Variants in RCSD1 observed in about 807,000 individuals in gnomAD.
RCSD1 encodes capZ-interacting protein.
Under a neutral mutation model 42.5 loss-of-function variants are expected in RCSD1, and 26 were observed. The ratio of observed to expected loss-of-function variants is 0.61; its 90% CI spans 0.45 to 0.85. The LOEUF is 0.85. Among genes scored for constraint, RCSD1 ranks in the 40% least tolerant of loss-of-function variants. The pLI is 0.00. For synonymous variants in RCSD1, 220 were observed against 212.2 expected (o/e 1.04, Z -0.32); for missense variants, 571 against 528.3 (o/e 1.08, Z -0.79).
At chr1:167,676,184 A>G (rs973308279) in intron 1 of RCSD1, among the ~76,000 whole-genome samples, 14 of 152,204 alleles carry the variant, frequency 9.2e-5, no homozygotes, top group African/African-American at 1.4e-4. Flanking sequence ...GTCCAAGGCC[A>G]TAGAACTAGT....
Position 167,685,466 on chromosome 1 carries a change from C to A in RCSD1, c.154C>A (p.Pro52Thr). The change falls in exon 3 of 7, where the codon CCC becomes ACC. Residue 52 changes from proline to threonine, a missense_variant. Physicochemically the swap from Pro to Thr is conservative, Grantham distance 38 (BLOSUM62 -1). Coordinates refer to ENST00000367854, the MANE Select transcript of RCSD1 (RefSeq NM_052862.4). ...CCGAAGGAAACCGCCCTGTTCCCTCCCCCTGTTCCCCCCCAAGGTAGACCT... is the reference window on the plus strand; with the variant it reads ...CCGAAGGAAACCGCCCTGTTCCCTCACCCTGTTCCCCCCCAAGGTAGACCT... Reference protein sequence around the residue: ...PTRRKPPCSLPLFPPKVDLGQ... With the variant: ...PTRRKPPCSLTLFPPKVDLGQ... 1.2e-6 allele frequency: 2 copies of A among 1,613,850 alleles called. No homozygotes were observed. Among genetic ancestry groups the A allele is most frequent in the Non-Finnish European group, 1.7e-6 (2 of 1,179,894 alleles).
chr1:167,630,725 A>AAAAAAAAAAAAAAAAG (rs1657676520), intron 1 of RCSD1: 1 of 191,324 alleles, frequency 5.2e-6, no homozygotes, highest in Non-Finnish European at 8.8e-6. Flanking sequence ...AAATGCTAAA[A>AAAAAAAAAAAAAAAAG]AAAAAAAAAA....
At chr1:167,646,624 C>T (rs1658155564) in intron 1 of RCSD1, among the ~76,000 whole-genome samples, 1 of 152,026 alleles carries the variant, frequency 6.6e-6, no homozygotes, top group Admixed American at 6.5e-5. Context: ...ATCAACCCAT[C>T]ATCTAGGTTT....
rs143002223 is a variant in RCSD1, at chr1:167,695,577, C to T, written c.474+1275C>T. On this transcript the variant is annotated intron_variant, in intron 5 of 6. Coordinates refer to ENST00000367854, the MANE Select transcript of RCSD1 (RefSeq NM_052862.4). ...TTTTTGAGGCAAGGTCTTCCTCTGT[C>T]ACCCAGGCTGGAGTGCAGTGGTGCG... Among the ~76,000 whole-genome samples the T allele has an allele frequency of 2.4e-3, 358 of 148,978 alleles. 3 individuals are homozygous for T. The highest frequency in any genetic ancestry group is 8.5e-3 in the African/African-American group (344 of 40,334).
intron 1 of RCSD1, among the ~76,000 whole-genome samples, chr1:167,644,123 A>G (rs1658070753): frequency 6.6e-6 from 1 of 152,154 alleles, no homozygotes; most frequent in Admixed American, 6.5e-5. Context: ...TAGCAAATCC[A>G]AGTGTCAGGC....
Position 167,697,271 on chromosome 1 carries a change from C to T in RCSD1, c.647C>T (p.Ser216Phe). 6.2e-7 allele frequency: 1 copy of T among 1,614,154 alleles called. No homozygotes were observed. The highest frequency in any genetic ancestry group is 8.5e-7 in the Non-Finnish European group (1 of 1,180,042). Reference protein sequence around the residue: ...VLPSKSKAPGSPLSSEGAAGE... With the variant: ...VLPSKSKAPGFPLSSEGAAGE... The stretch of plus-strand genomic sequence containing the variant: ...CCATCCAAGAGCAAGGCCCCAGGAT[C>T]CCCTTTGTCCAGTGAGGGAGCAGCG... Residue 216 changes from serine (S) to phenylalanine (F), a missense_variant, in exon 6 of 7, where the codon TCC (serine) becomes TTC (phenylalanine). Physicochemically the swap from Ser to Phe is radical, Grantham distance 155 (BLOSUM62 -2). Transcript: ENST00000367854.
Position 167,697,818 on chromosome 1 carries a change from C to A in RCSD1, c.1194C>A (p.Ser398Arg). Residue 398 changes from serine (S) to arginine (R), a missense_variant, in exon 6 of 7, where the codon AGC (serine) becomes AGA (arginine). Transcript: ENST00000367854. ...AQLETSSEVQ[S>R]EPAVPKPEDD... ...TGGAGACCAGCAGTGAGGTCCAGAG[C>A]GAGCCAGCAGTCCCCAAGCCGGAGG... The A allele has an allele frequency of 1.4e-6, 2 of 1,467,844 alleles. No individual in the cohort carries two copies. Among genetic ancestry groups the A allele is most frequent in the Middle Eastern group, 1.8e-4 (1 of 5,476 alleles). The allele number at this position is 1,467,844 out of a possible 1,614,324, so 90.9% of individuals were successfully genotyped here. A position where few individuals can be genotyped will look rare whatever the true frequency, so the allele number is the denominator to read the frequency against.
intron 1 of RCSD1, among the ~76,000 whole-genome samples, chr1:167,670,837 G>T (rs1320221566): frequency 6.6e-6 from 1 of 151,976 alleles, no homozygotes; most frequent in African/African-American, 2.4e-5. Flanking sequence ...CCCAATTCTG[G>T]TCAGTCCTTC....
chr1:167,636,302 C>T (rs1020734588), intron 1 of RCSD1, among the ~76,000 whole-genome samples: 3 of 152,164 alleles, frequency 2.0e-5, no homozygotes, highest in African/African-American at 4.8e-5. Flanking sequence ...TCTGAGATGC[C>T]ATTAGAGCCT....
chr1:167,637,180 C>T (rs548401180), intron 1 of RCSD1, among the ~76,000 whole-genome samples: 2 of 152,180 alleles, frequency 1.3e-5, no homozygotes, highest in Non-Finnish European at 2.9e-5. Flanking sequence ...GAAGAGCATT[C>T]CAATCAGAAA....
chr1:167,654,157 C>T (rs781314713), intron 1 of RCSD1, among the ~76,000 whole-genome samples: 3 of 152,108 alleles, frequency 2.0e-5, no homozygotes, highest in Non-Finnish European at 2.9e-5. Flanking sequence ...TAAGTGTTGG[C>T]CATTATTGAG....
intron 1 of RCSD1, among the ~76,000 whole-genome samples, chr1:167,647,541 T>C (rs1403466452): frequency 6.6e-6 from 1 of 151,680 alleles, no homozygotes; most frequent in African/African-American, 2.4e-5. Context: ...GGCAACATAG[T>C]GAGACCTCAT....
In RCSD1 at chr1:167,688,441, G is replaced by GAA. The variant is rs1325722298; in HGVS notation, c.199-1607_199-1606insAA. Among the ~76,000 whole-genome samples, 4 of 152,198 alleles carry GAA rather than the reference G, an allele frequency of 2.6e-5. No individual in the cohort carries two copies. The East Asian group carries it at 7.7e-4, about 29-fold the overall frequency. On this transcript the variant is annotated intron_variant, in intron 3 of 6. Coordinates refer to ENST00000367854, the MANE Select transcript of RCSD1 (RefSeq NM_052862.4). Reference sequence around the variant, plus strand: ...CTGGAAGCTCTTTATACTCATCCTAGATAAAAAGCTCCTTGAAAGACTGCT... The same window carrying GAA: ...CTGGAAGCTCTTTATACTCATCCTAGAAATAAAAAGCTCCTTGAAAGACTGCT...
At chr1:167,684,071 A>G (rs1659157446) in intron 2 of RCSD1, 70 bp downstream of exon 2, 1 of 1,278,006 alleles carries the variant, frequency 7.8e-7, no homozygotes, top group East Asian at 2.3e-5. Context: ...GGTCAGGCCC[A>G]GCGGAGAGGG....
intron 1 of RCSD1, among the ~76,000 whole-genome samples, chr1:167,682,679 G>C (rs1478746054): frequency 7.3e-6 from 1 of 137,170 alleles, no homozygotes; most frequent in East Asian, 2.0e-4. Flanking sequence ...GTGTGTGTGT[G>C]TGTGTGTGTG....
intron 3 of RCSD1, 81 bp from the exon 4 acceptor site, chr1:167,689,968 G>A: frequency 7.5e-7 from 1 of 1,336,794 alleles, no homozygotes; most frequent in East Asian, 2.3e-5. Context: ...TTCTCCTTCT[G>A]CCTGTGGCTT....
intron 1 of RCSD1, among the ~76,000 whole-genome samples, chr1:167,669,320 G>A (rs6695906): frequency 0.26 from 39,177 of 152,140 alleles, 5,581 homozygotes; most frequent in East Asian, 0.56. Context: ...TTCCTGCTCT[G>A]CCATTACCTT....
chr1:167,650,846 T>C (rs890515326), intron 1 of RCSD1, among the ~76,000 whole-genome samples: 1 of 152,254 alleles, frequency 6.6e-6, no homozygotes, highest in African/African-American at 2.4e-5. Flanking sequence ...AGAAGCAGCT[T>C]CCCCGAGGCC....
intron 1 of RCSD1, among the ~76,000 whole-genome samples, chr1:167,662,503 T>G (rs1308636230): frequency 6.6e-6 from 1 of 152,238 alleles, no homozygotes; most frequent in Non-Finnish European, 1.5e-5. Context: ...ATCATCTTGG[T>G]CACTGTTCTT....
Sources: gnomAD v4.1 joint callset for allele counts (sites outside exome capture counted in the v4.1 genomes callset) on GRCh38, gnomAD v4.1.1 for gene constraint, MANE v1.5 for transcripts, NCBI Gene and HGNC (gene_info 2026-07-23, HGNC 2026-07-21) for gene names.